Variants in LIFR observed in about 807,000 individuals in gnomAD.
LIFR encodes the protein LIF receptor subunit alpha, also known as leukemia inhibitory factor receptor.
LIFR carries 84 observed loss-of-function variants against 122.2 expected under a neutral mutation model. That is an observed-to-expected ratio of 0.69 (90% confidence interval 0.58 to 0.82). The LOEUF is 0.82. LIFR is among the 40% of genes least tolerant of loss of function. The probability of loss-of-function intolerance (pLI) is 0.00; values close to 1 mark genes in which losing one functional copy is unlikely to be tolerated. For missense variants in LIFR, 1,294 were observed against 1,311.6 expected (o/e 0.99, Z 0.21); for synonymous variants, 422 against 434.7 (o/e 0.97, Z 0.36).
At chr5:38,608,264 T>A (rs2112789940) in exon 1 of LIFR, 1 of 152,278 alleles carries the variant, frequency 6.6e-6, no homozygotes, top group South Asian at 2.1e-4. Flanking sequence ...TTGGGTTTCC[T>A]GCTTATCTCC....
At chr5:38,603,894 C>T (rs529153852) in intron 2 of LIFR, among the ~76,000 whole-genome samples, 75 of 152,270 alleles carry the variant, frequency 4.9e-4, no homozygotes, top group African/African-American at 1.8e-3. Context: ...CCACATCCTT[C>T]AACTCACTTA....
At chr5:38,504,508 T>C (rs1204924708) in intron 9 of LIFR, among the ~76,000 whole-genome samples, 1 of 151,656 alleles carries the variant, frequency 6.6e-6, no homozygotes, top group African/African-American at 2.4e-5. Context: ...TTAACCACTA[T>C]GTAAATGTAA....
chr5:38,595,858 G>C (rs1352822657), upstream of LIFR, among the ~76,000 whole-genome samples: 1 of 98,504 alleles, frequency 1.0e-5, no homozygotes, highest in African/African-American at 4.2e-5. Context: ...TCAGCCTCCC[G>C]AGTAGCTGGG....
At chr5:38,603,802 G>A (rs1266901609) in intron 2 of LIFR, among the ~76,000 whole-genome samples, 1 of 152,196 alleles carries the variant, frequency 6.6e-6, no homozygotes, top group African/African-American at 2.4e-5. Flanking sequence ...TACCCAGGAA[G>A]GTCAAGTCTT....
At position 38,478,165 on chromosome 5, in the gene LIFR, A is replaced by G. The variant is rs184984077; in HGVS notation, c.*3430T>C. ...GACTTGCAATGTTTGTTAAATATGG[A>G]CGGCATGAAGACAATTAAGAAACTA... On this transcript the variant is annotated 3_prime_UTR_variant, in exon 20 of 20. Transcript: ENST00000453190. The G allele has an allele frequency of 3.6e-3, 746 of 209,282 alleles. 4 individuals carry two copies. The highest frequency in any genetic ancestry group is 0.016 in the African/African-American group (719 of 44,138). The allele number at this position is 209,282 out of a possible 1,614,324, so 13.0% of individuals were successfully genotyped here.
chr5:38,487,383 C>G (rs1744344054), intron 16 of LIFR, among the ~76,000 whole-genome samples: 2 of 152,172 alleles, frequency 1.3e-5, no homozygotes, highest in African/African-American at 4.8e-5. Context: ...GAAGAGACTT[C>G]TAGTATCTGG....
rs1269947702 is a variant in LIFR, at chr5:38,504,114, G to A, written c.1299C>T (p.Pro433=). The A allele has an allele frequency of 6.5e-7, 1 of 1,549,784 alleles. No homozygotes were observed. The highest frequency in any genetic ancestry group is 8.9e-7 in the Non-Finnish European group (1 of 1,122,278). Residue 433 remains proline, a synonymous_variant, in exon 10 of 20, where the codon CCC becomes CCT. Coordinates refer to ENST00000453190, the MANE Select transcript of LIFR (RefSeq NM_001127671.2). ...TCACTTTGAATGAAGTAGGAGTATG[G>A]GGATAAACTGCAAATATAATTTTTA... ...ILVNITEKVY[P]HTPTSFKVKD... is the part of the protein sequence containing the mutation.
chr5:38,536,755 C>A (rs1747314900), intron 1 of LIFR, among the ~76,000 whole-genome samples: 1 of 152,198 alleles, frequency 6.6e-6, no homozygotes, highest in Non-Finnish European at 1.5e-5. Flanking sequence ...CTATGACAGT[C>A]TGGGGACCTG....
Position 38,482,241 on chromosome 5 carries a change from T to A in LIFR, c.2671-23A>T, listed in dbSNP as rs543216343. On this transcript the variant is annotated intron_variant, in intron 19 of 19. Transcript: ENST00000453190. ...TCCCTAGAAATAAATTTAAACACAG[T>A]GATTAAAAATAGCACTAAATGCCAT... 1.6e-5 allele frequency: 26 copies of A among 1,596,532 alleles called. No homozygotes were observed. The East Asian group carries it at 5.4e-4, about 33-fold the overall frequency.
chr5:38,603,419 A>G (rs1410712088), intron 2 of LIFR, among the ~76,000 whole-genome samples: 1 of 152,238 alleles, frequency 6.6e-6, no homozygotes, highest in East Asian at 1.9e-4. Context: ...TCTGTGGTCA[A>G]ATAAATTTTG....
rs193228000 is a variant in LIFR at position 38,521,062 on chromosome 5, C to T, written c.561+2357G>A. Among the ~76,000 whole-genome samples the T allele has an allele frequency of 3.9e-5, 6 of 152,254 alleles. No homozygotes were observed. In the East Asian group the frequency reaches 9.7e-4, roughly 24 times the overall value. ...GGTCCTGTTAATGATATTAATTCTT[C>T]CAATCTGTAAGCATGGAATGTCTTT... On this transcript the variant is annotated intron_variant, in intron 5 of 19. Transcript: ENST00000453190.
At chr5:38,595,490 A>G (rs1322729422), upstream of LIFR, 1 of 152,388 alleles carries the variant, frequency 6.6e-6, no homozygotes, top group Non-Finnish European at 1.5e-5. Flanking sequence ...AATGCATCAC[A>G]ACAATGACTG....
intron 11 of LIFR, among the ~76,000 whole-genome samples, chr5:38,500,834 C>T (rs1745136339): frequency 6.6e-6 from 1 of 152,150 alleles, no homozygotes; most frequent in Non-Finnish European, 1.5e-5. Flanking sequence ...CCTGTGTGAC[C>T]AACAGTGTGC....
intron 1 of LIFR, among the ~76,000 whole-genome samples, chr5:38,564,724 T>C (rs1019686643): frequency 4.9e-5 from 7 of 143,168 alleles, no homozygotes; most frequent in African/African-American, 7.9e-5. Context: ...AATATATATA[T>C]ACACACACAC....
At position 38,481,233 on chromosome 5, in the gene LIFR, CAT is replaced by C. The variant is rs909929597; in HGVS notation, c.*360_*361del. The C allele has an allele frequency of 9.5e-5, 33 of 348,238 alleles. No homozygotes were observed. Among genetic ancestry groups the C allele is most frequent in the Admixed American group, 4.5e-4 (10 of 22,414 alleles). The allele number at this position is 348,238 out of a possible 1,614,324, so 21.6% of individuals were successfully genotyped here. The stretch of plus-strand genomic sequence containing the variant: ...CACTTACAATTCCACCAAGTATACA[CAT>C]GAGAAAACCACAAACAACAGAACAG... On this transcript the variant is annotated 3_prime_UTR_variant, in exon 20 of 20. Transcript: ENST00000453190.
Position 38,476,568 on chromosome 5 carries a change from A to G in LIFR, c.*5027T>C. ...GATTGGCTACTGTAAAGGCAATCTT[A>G]GAAGATGCATGTAAATATAATATAA... On this transcript the variant is annotated 3_prime_UTR_variant, in exon 20 of 20. Transcript: ENST00000453190. The G allele has an allele frequency of 4.9e-6, 1 of 204,776 alleles. No individual in the cohort carries two copies. Among genetic ancestry groups the G allele is most frequent in the Non-Finnish European group, 1.0e-5 (1 of 100,478 alleles). The allele number at this position is 204,776 out of a possible 1,614,324, so 12.7% of individuals were successfully genotyped here.
chr5:38,523,447 C>T lies in LIFR; in HGVS notation c.533G>A (p.Arg178His), dbSNP rs535910809. The change falls in exon 5 of 20, where the codon CGT becomes CAT. Residue 178 changes from arginine (R) to histidine (H), a missense_variant. By Grantham distance (29) the Arg-to-His change is conservative. Transcript: ENST00000453190. ...SNVIWEIKVLRKESMELVKLV... is the reference protein window; with the variant it reads ...SNVIWEIKVLHKESMELVKLV... ...TTTTACGAGCTCCATACTCTCTTTA[C>T]GTAGAACTTTAATTTCCCAGATAAC... The T allele has an allele frequency of 2.2e-5, 36 of 1,612,958 alleles. No individual in the cohort carries two copies. In the South Asian group the frequency reaches 2.3e-4, roughly 10 times the overall value.
chr5:38,573,079 TAG>T (rs1749268100), intron 1 of LIFR, among the ~76,000 whole-genome samples: 1 of 152,368 alleles, frequency 6.6e-6, no homozygotes, highest in African/African-American at 2.4e-5. Flanking sequence ...AGCAAAACCC[TAG>T]AGAGTCAAGT....
intron 1 of LIFR, among the ~76,000 whole-genome samples, chr5:38,550,564 A>G (rs1195640277): frequency 1.3e-5 from 2 of 152,238 alleles, no homozygotes; most frequent in Admixed American, 1.3e-4. Context: ...AAAACTGTAT[A>G]TTCTTTCAGA....
Sources: gnomAD v4.1 joint callset for allele counts (sites outside exome capture counted in the v4.1 genomes callset) on GRCh38, gnomAD v4.1.1 for gene constraint, MANE v1.5 for transcripts, NCBI Gene and HGNC (gene_info 2026-07-23, HGNC 2026-07-21) for gene names.